CHRM2: variants seen among roughly 807,000 people sequenced by gnomAD.
CHRM2 encodes the protein cholinergic receptor muscarinic 2.
Under a neutral mutation model 25.0 loss-of-function variants are expected in CHRM2, and 8 were observed. That is an observed-to-expected ratio of 0.32 (90% confidence interval 0.19 to 0.58). The LOEUF is 0.58. Among genes scored for constraint, CHRM2 ranks in the 20% least tolerant of loss-of-function variants. CHRM2 has a pLI of 0.88. For missense variants in CHRM2, 440 were observed against 567.1 expected (o/e 0.78, Z 2.28); for synonymous variants, 202 against 205.7 (o/e 0.98, Z 0.15).
chr7:136,931,567 G>A (rs962878806), intron 2 of CHRM2, among the ~76,000 whole-genome samples: 4 of 152,142 alleles, frequency 2.6e-5, no homozygotes, highest in African/African-American at 9.7e-5. Context: ...ATAATGTACT[G>A]AAACAGTTAC....
Position 136,910,125 on chromosome 7 carries a change from A to G in CHRM2, c.-125+40707A>G, listed in dbSNP as rs894531478. ...AATTAGGGAAGAGAGTAAAGACAAC[A>G]TTGTATTTGGATAATTTAGGCAATT... On this transcript the variant is annotated intron_variant, in intron 2 of 3. Transcript: ENST00000680005. Among the ~76,000 whole-genome samples, 11 of 151,894 alleles carry G rather than the reference A, an allele frequency of 7.2e-5. 1 individual carries two copies. Among genetic ancestry groups the G allele is most frequent in the African/African-American group, 1.9e-4 (8 of 41,478 alleles).
Position 136,983,353 on chromosome 7 carries a change from A to C in CHRM2, c.-124-8834A>C, listed in dbSNP as rs189775942. On this transcript the variant is annotated intron_variant, in intron 2 of 3. Transcript: ENST00000680005. Reference sequence around the variant, plus strand: ...AGTTAGCAATTTTATCAAGTTTCTTAGCTTCCTTGCATGGGGTTAGAACAT... The same window carrying C: ...AGTTAGCAATTTTATCAAGTTTCTTCGCTTCCTTGCATGGGGTTAGAACAT... 2.8e-4 allele frequency among the ~76,000 whole-genome samples: 42 copies of C among 152,126 alleles called. No individual in the cohort carries two copies. The East Asian group carries it at 8.2e-3, about 30-fold the overall frequency.
intron 2 of CHRM2, among the ~76,000 whole-genome samples, chr7:136,939,190 T>C (rs1799618441): frequency 6.6e-6 from 1 of 152,186 alleles, no homozygotes; most frequent in Non-Finnish European, 1.5e-5. Flanking sequence ...TCCAAGGTAA[T>C]ATCAATCACC....
chr7:136,950,899 T>C (rs1242757912), intron 2 of CHRM2: 1 of 152,328 alleles, frequency 6.6e-6, no homozygotes, highest in Non-Finnish European at 1.5e-5. Context: ...CACTGCAGCC[T>C]GGGCTCAAGT....
chr7:136,889,558 G>T (rs1796610724), intron 2 of CHRM2, among the ~76,000 whole-genome samples: 1 of 151,988 alleles, frequency 6.6e-6, no homozygotes, highest in Non-Finnish European at 1.5e-5. Flanking sequence ...TTCCACAAAG[G>T]GTGATTCTCA....
In CHRM2 at chr7:137,019,729, G is replaced by C. The variant is rs1584932798; in HGVS notation, c.*3463G>C. ...ATTTAACGCCAGCTCCCAAGTATTA[G>C]GGCAGAGTAATCAATATGAGAAGCC... On this transcript the variant is annotated 3_prime_UTR_variant, in exon 4 of 4. Transcript: ENST00000680005. 1.3e-5 allele frequency: 2 copies of C among 151,936 alleles called. No individual in the cohort carries two copies. Among genetic ancestry groups the C allele is most frequent in the East Asian group, 3.9e-4 (2 of 5,134 alleles). 9.4% of individuals were successfully genotyped at this position (151,936 alleles called of 1,614,324 possible). A position where few individuals can be genotyped will look rare whatever the true frequency, so the allele number is the denominator to read the frequency against.
chr7:136,983,167 T>C (rs1554430417), intron 2 of CHRM2, among the ~76,000 whole-genome samples: 1 of 152,192 alleles, frequency 6.6e-6, no homozygotes, highest in Non-Finnish European at 1.5e-5. Flanking sequence ...TCTAATCTTG[T>C]CTTCATGCTT....
intron 2 of CHRM2, among the ~76,000 whole-genome samples, chr7:136,893,417 A>T (rs777180799): frequency 6.6e-6 from 1 of 152,354 alleles, no homozygotes; most frequent in South Asian, 2.1e-4. Context: ...GATAATAATG[A>T]CATAGTCGAG....
chr7:136,897,646 G>T (rs10228048), intron 2 of CHRM2, among the ~76,000 whole-genome samples: 47,332 of 151,124 alleles, frequency 0.31, 8,175 homozygotes, highest in African/African-American at 0.45. Flanking sequence ...AAGGGTGGTG[G>T]ATTGCACCAT....
At chr7:136,959,415 C>T (rs1800928171) in intron 2 of CHRM2, among the ~76,000 whole-genome samples, 1 of 152,128 alleles carries the variant, frequency 6.6e-6, no homozygotes, top group African/African-American at 2.4e-5. Context: ...ACATCTGGTT[C>T]CGGTATTGTA....
intron 2 of CHRM2, among the ~76,000 whole-genome samples, chr7:136,988,998 A>G (rs1803040606): frequency 6.6e-6 from 1 of 152,012 alleles, no homozygotes; most frequent in East Asian, 1.9e-4. Flanking sequence ...TTCCCACCAA[A>G]CCTATGAGGT....
chr7:136,895,899 T>G (rs916799463), intron 2 of CHRM2, among the ~76,000 whole-genome samples: 1 of 152,116 alleles, frequency 6.6e-6, no homozygotes, highest in African/African-American at 2.4e-5. Context: ...CCTGGGAGCT[T>G]GGGATATATT....
At chr7:136,933,878 A>G (rs1584780846) in intron 2 of CHRM2, among the ~76,000 whole-genome samples, 1 of 152,308 alleles carries the variant, frequency 6.6e-6, no homozygotes, top group South Asian at 2.1e-4. Flanking sequence ...AGAGATGGAA[A>G]GTAGAATGGT....
chr7:136,932,738 T>C (rs1021752799), intron 2 of CHRM2, among the ~76,000 whole-genome samples: 1 of 152,190 alleles, frequency 6.6e-6, no homozygotes, highest in Non-Finnish European at 1.5e-5. Context: ...GACATTTAAA[T>C]AGATTTTTAG....
At position 136,980,749 on chromosome 7, in the gene CHRM2, G is replaced by T. The variant is rs144338472; in HGVS notation, c.-124-11438G>T. On this transcript the variant is annotated intron_variant, in intron 2 of 3. Transcript: ENST00000680005. ...GTTTATGAGATGGATTACGTTTATT[G>T]ATTTGTGTGTGTTGAACCAGCCTTG... Among the ~76,000 whole-genome samples the T allele has an allele frequency of 1.0e-2, 1,521 of 152,270 alleles. 29 individuals carry two copies. Among genetic ancestry groups the T allele is most frequent in the African/African-American group, 0.034 (1,427 of 41,538 alleles).
intron 2 of CHRM2, among the ~76,000 whole-genome samples, chr7:136,963,229 G>T (rs959693004): frequency 1.3e-5 from 2 of 152,146 alleles, no homozygotes; most frequent in African/African-American, 2.4e-5. Context: ...AGAAATAAAA[G>T]ATAAGACCAG....
intron 2 of CHRM2, among the ~76,000 whole-genome samples, chr7:136,900,312 A>G (rs773451036): frequency 3.3e-5 from 5 of 152,108 alleles, no homozygotes; most frequent in African/African-American, 4.8e-5. Flanking sequence ...TTTGCAGCCA[A>G]GTTAACTATT....
intron 2 of CHRM2, among the ~76,000 whole-genome samples, chr7:136,953,349 C>G (rs59612735): frequency 0.024 from 3,677 of 152,106 alleles, 136 homozygotes; most frequent in African/African-American, 0.084. Context: ...CTTCAGAGAC[C>G]TCAGTAGAGT....
At chr7:136,997,609 A>G (rs1803692817) in intron 3 of CHRM2, among the ~76,000 whole-genome samples, 1 of 152,218 alleles carries the variant, frequency 6.6e-6, no homozygotes, top group South Asian at 2.1e-4. Flanking sequence ...TTGAGACTCA[A>G]TGCACCTGTC....
Sources: allele counts gnomAD v4.1 joint callset (sites outside exome capture counted in the v4.1 genomes callset), GRCh38; gene constraint gnomAD v4.1.1; transcripts MANE v1.5; gene names NCBI Gene and HGNC (gene_info 2026-07-23, HGNC 2026-07-21).